The following EBPL variants were observed in gnomAD, a reference collection of about 807,000 sequenced individuals.
EBPL encodes emopamil-binding protein-like.
In EBPL, 20 loss-of-function variants were observed where a neutral mutation model predicts 19.0. The observed-to-expected ratio is 1.05, with a 90% CI of 0.74 to 1.53. The LOEUF (loss-of-function observed/expected upper bound fraction) is 1.53. Ranked by LOEUF, EBPL falls within the 40% of genes most tolerant of loss-of-function variation. EBPL has a pLI of 0.00. For missense variants in EBPL, 219 were observed against 261.1 expected (o/e 0.84, Z 1.11); for synonymous variants, 107 against 117.0 (o/e 0.91, Z 0.55).
chr13:49,661,068 C>A lies in EBPL; in HGVS notation c.521G>T (p.Gly174Val). The A allele has an allele frequency of 6.2e-7, 1 of 1,614,084 alleles. No individual in the cohort carries two copies. The highest frequency in any genetic ancestry group is 2.2e-5 in the East Asian group (1 of 44,886). Residue 174 changes from glycine (G) to valine (V), a missense_variant, in exon 4 of 4, where the codon GGT becomes GTT. Around this residue, in one of 2 missense-constraint regions of EBPL, gnomAD observed 49 missense variants for 94.1 expected, o/e 0.52. Coordinates refer to ENST00000242827, the MANE Select transcript of EBPL (RefSeq NM_032565.5). ...CAGTCCTGGGATCAGAACCCACACA[C>A]CGTTAAAAAAAAACAGGTAAAGCCA... ...YCWLYLFFFN[G>V]VWVLIPGLLL...
chr13:49,664,288 A>C (rs1415548047), intron 2 of EBPL, among the ~76,000 whole-genome samples: 4 of 152,194 alleles, frequency 2.6e-5, no homozygotes, highest in African/African-American at 9.6e-5. Context: ...CAGAAGAGAA[A>C]CTAGGTGCTG....
At chr13:49,686,403 C>T in intron 1 of EBPL, 1 of 1,236,072 alleles carries the variant, frequency 8.1e-7, no homozygotes, top group South Asian at 1.4e-5. Flanking sequence ...GCCTATAAGC[C>T]TTTGGCTTCT....
intron 1 of EBPL, among the ~76,000 whole-genome samples, chr13:49,688,263 C>T (rs1027213411): frequency 2.0e-5 from 3 of 152,130 alleles, no homozygotes; most frequent in Admixed American, 1.3e-4. Context: ...GTAGTCATAA[C>T]GAGCTGAACT....
chr13:49,664,688 A>G (rs1339562897), intron 2 of EBPL, among the ~76,000 whole-genome samples: 1 of 152,134 alleles, frequency 6.6e-6, no homozygotes, highest in Non-Finnish European at 1.5e-5. Flanking sequence ...ATTATTCAGA[A>G]AAGGTGTGAA....
chr13:49,674,171 T>C lies in EBPL; in HGVS notation c.172-4325A>G, dbSNP rs190425888. Among the ~76,000 whole-genome samples the C allele has an allele frequency of 2.4e-4, 37 of 152,310 alleles. 1 individual carries two copies. The East Asian group carries it at 6.9e-3, about 29-fold the overall frequency. ...CAGGCAGGAGTGCAGTGGTGCGACC[T>C]TGGCTCATTCAACCTCCGCCTCCTG... On this transcript the variant is annotated intron_variant, in intron 1 of 3. Transcript: ENST00000242827.
chr13:49,675,782 G>A (rs1448587282), intron 1 of EBPL, among the ~76,000 whole-genome samples: 1 of 152,118 alleles, frequency 6.6e-6, no homozygotes, highest in African/African-American at 2.4e-5. Context: ...GCTTTCTGCA[G>A]CGCTGGCACC....
intron 1 of EBPL, among the ~76,000 whole-genome samples, chr13:49,691,036 T>C (rs1040984737): frequency 6.6e-6 from 1 of 152,218 alleles, no homozygotes; most frequent in Non-Finnish European, 1.5e-5. Flanking sequence ...GGTGGAGGAA[T>C]CGGCAGCACA....
chr13:49,671,086 C>G (rs1953810953), intron 1 of EBPL, among the ~76,000 whole-genome samples: 1 of 152,166 alleles, frequency 6.6e-6, no homozygotes, highest in Admixed American at 6.5e-5. Flanking sequence ...TTAGGGATCC[C>G]GTATCCTGAC....
At chr13:49,668,480 A>G in intron 2 of EBPL, 3 of 251,676 alleles carry the variant, frequency 1.2e-5, no homozygotes, top group South Asian at 9.9e-5. Context: ...AGGCTGAGGC[A>G]GGAGAATGGC....
chr13:49,677,766 T>C (rs1292238594), intron 1 of EBPL, among the ~76,000 whole-genome samples: 1 of 152,084 alleles, frequency 6.6e-6, no homozygotes, highest in Non-Finnish European at 1.5e-5. Flanking sequence ...ATACAAATAT[T>C]GTGTCTGGAA....
chr13:49,663,466 C>G (rs61959917), intron 2 of EBPL, among the ~76,000 whole-genome samples: 37,787 of 152,016 alleles, frequency 0.25, 5,322 homozygotes, highest in Non-Finnish European at 0.32. Context: ...TCAGCCCCAC[C>G]CTCTTCAACA....
At position 49,661,196 on chromosome 13, in the gene EBPL, C is replaced by G. The variant is rs757159795; in HGVS notation, c.393G>C (p.Gln131His). The G allele has an allele frequency of 3.1e-6, 5 of 1,612,264 alleles. No individual in the cohort carries two copies. The highest frequency in any genetic ancestry group is 1.7e-5 in the Admixed American group (1 of 59,654). ...VKEKYYRHFL[Q>H]ITLCVCELYG... ...ACAGCTCGCACACGCACAGGGTGATCTGCAGGAAATGCCTGTTGGAGAGAA... is the reference window on the plus strand; with the variant it reads ...ACAGCTCGCACACGCACAGGGTGATGTGCAGGAAATGCCTGTTGGAGAGAA... Residue 131 changes from glutamine (Q) to histidine (H), a missense_variant, in exon 4 of 4, where the codon CAG becomes CAC. Gln to His is a conservative substitution (Grantham distance 24). Around this residue, in one of 2 missense-constraint regions of EBPL, gnomAD observed 49 missense variants for 94.1 expected, o/e 0.52. Transcript: ENST00000242827.
At chr13:49,681,377 G>C (rs1953941295) in intron 1 of EBPL, among the ~76,000 whole-genome samples, 1 of 152,054 alleles carries the variant, frequency 6.6e-6, no homozygotes, top group Non-Finnish European at 1.5e-5. Flanking sequence ...TACAACCTCT[G>C]CCTCCCAGGT....
At chr13:49,667,733 C>CCT (rs1400901957) in intron 2 of EBPL, among the ~76,000 whole-genome samples, 1 of 152,208 alleles carries the variant, frequency 6.6e-6, no homozygotes, top group African/African-American at 2.4e-5. Flanking sequence ...AATCCTCCTG[C>CCT]CTCAGCCTCC....
chr13:49,677,491 C>T (rs530899861), intron 1 of EBPL, among the ~76,000 whole-genome samples: 4 of 152,342 alleles, frequency 2.6e-5, no homozygotes, highest in Admixed American at 1.3e-4. Context: ...AACACAGGCC[C>T]ACCACTTTAG....
At chr13:49,679,006 T>TCAAAAAAAAAAAAAAAAA (rs1555301247) in intron 1 of EBPL, among the ~76,000 whole-genome samples, 1 of 95,188 alleles carries the variant, frequency 1.1e-5, no homozygotes, top group Non-Finnish European at 1.9e-5. Context: ...AGACTCCGTC[T>TCAAAAAAAAAAAAAAAAA]AAAAAAAAAA....
intron 2 of EBPL, among the ~76,000 whole-genome samples, chr13:49,668,903 G>A (rs1278838855): frequency 1.3e-5 from 2 of 149,476 alleles, no homozygotes; most frequent in Non-Finnish European, 3.0e-5. Context: ...TTTTTGAGAG[G>A]GAGTCTTGCT....
At chr13:49,682,071 C>G (rs1482177080) in intron 1 of EBPL, among the ~76,000 whole-genome samples, 3 of 152,184 alleles carry the variant, frequency 2.0e-5, no homozygotes, top group Non-Finnish European at 4.4e-5. Context: ...CCTTTGGTGA[C>G]AAGGCTTTAA....
chr13:49,682,706 A>G (rs1203777884), intron 1 of EBPL, among the ~76,000 whole-genome samples: 1 of 152,232 alleles, frequency 6.6e-6, no homozygotes, highest in Non-Finnish European at 1.5e-5. Context: ...TGAAGAAAAC[A>G]TTATTTCCAT....
Sources: allele counts gnomAD v4.1 joint callset (sites outside exome capture counted in the v4.1 genomes callset), GRCh38; gene constraint gnomAD v4.1.1; regional missense constraint gnomAD v4.1.1; transcripts MANE v1.5; gene names NCBI Gene and HGNC (gene_info 2026-07-23, HGNC 2026-07-21).